Variants in CA3 observed in about 807,000 individuals in gnomAD.
CA3 encodes the protein carbonic anhydrase 3.
CA3 carries 30 observed loss-of-function variants against 35.7 expected under a neutral mutation model. That is an observed-to-expected ratio of 0.84 (90% CI 0.63 to 1.14). The LOEUF (loss-of-function observed/expected upper bound fraction) is 1.14, where lower values mean the gene tolerates loss of function less well. Among genes scored for constraint, CA3 ranks in the 50% most tolerant of loss-of-function variants. The pLI is 0.00. For missense variants in CA3, 295 were observed against 328.5 expected (o/e 0.90, Z 0.79); for synonymous variants, 131 against 130.8 (o/e 1.00, Z -0.01).
chr8:85,448,823 A>C lies in CA3; in HGVS notation c.*670A>C, dbSNP rs1403951901. 6.6e-6 allele frequency: 1 copy of C among 152,168 alleles called. No homozygotes were observed. The highest frequency in any genetic ancestry group is 1.5e-5 in the Non-Finnish European group (1 of 68,040). The allele number at this position is 152,168 out of a possible 1,614,324, so 9.4% of individuals were successfully genotyped here. On this transcript the variant is annotated 3_prime_UTR_variant, in exon 7 of 7. Coordinates refer to ENST00000285381, the MANE Select transcript of CA3 (RefSeq NM_005181.4). The stretch of plus-strand genomic sequence containing the variant: ...ATTTCTTCTTCATAAATGTAGTTGA[A>C]TTTATCCTAGTATTTTTCTTTACCT...
At chr8:85,445,499 G>A (rs1016560978) in intron 5 of CA3, among the ~76,000 whole-genome samples, 3 of 132,378 alleles carry the variant, frequency 2.3e-5, no homozygotes, top group African/African-American at 9.4e-5. Flanking sequence ...CCGCATCCTC[G>A]CCCAACACAC....
Position 85,448,272 on chromosome 8 carries a change from A to G in CA3, c.*119A>G. 1 of 983,914 alleles carries G rather than the reference A, an allele frequency of 1.0e-6. No individual in the cohort carries two copies. Among genetic ancestry groups the G allele is most frequent in the Non-Finnish European group, 1.4e-6 (1 of 702,046 alleles). The allele number at this position is 983,914 out of a possible 1,614,324, so 60.9% of individuals were successfully genotyped here. ...TTCATTTTTCCACACTGAGCAATGA[A>G]TGTGAGAGATGTGGTCACCAAGATC... On this transcript the variant is annotated 3_prime_UTR_variant, in exon 7 of 7. Transcript: ENST00000285381.
chr8:85,439,158 C>G (rs996259259), intron 1 of CA3, among the ~76,000 whole-genome samples: 2 of 152,082 alleles, frequency 1.3e-5, no homozygotes, highest in African/African-American at 4.8e-5. Context: ...TTTTATTTCC[C>G]TTGGAGAAAA....
In CA3 at chr8:85,445,163, A is replaced by G. The variant is rs2130507350; in HGVS notation, c.452A>G (p.His151Arg). Residue 151 changes from histidine to arginine, a missense_variant, in exon 5 of 7, where the codon CAT (histidine) becomes CGT (arginine). Transcript: ENST00000285381. ...ATTTCTGTTTTCTTACAGATAGGACATGAGAATGGCGAGTTCCAGATTTTC... is the reference window on the plus strand; with the variant it reads ...ATTTCTGTTTTCTTACAGATAGGACGTGAGAATGGCGAGTTCCAGATTTTC... ...AVIGIFLKIGHENGEFQIFLD... is the reference protein window; with the variant it reads ...AVIGIFLKIGRENGEFQIFLD... 6.2e-7 allele frequency: 1 copy of G among 1,604,078 alleles called. No homozygotes were observed. Among genetic ancestry groups the G allele is most frequent in the South Asian group, 1.1e-5 (1 of 89,930 alleles).
chr8:85,448,137 G>C lies in CA3; in HGVS notation c.767G>C (p.Arg256Thr). ...PPQPINNRVV[R>T]ASFK ...CAGCCTATCAATAACAGGGTGGTGA[G>C]AGCTTCCTTCAAATGAGGCTGCTGG... Residue 256 changes from arginine to threonine, a missense_variant, in exon 7 of 7, where the codon AGA (arginine) becomes ACA (threonine). Transcript: ENST00000285381. The C allele has an allele frequency of 6.2e-7, 1 of 1,612,684 alleles. No homozygotes were observed. The highest frequency in any genetic ancestry group is 8.5e-7 in the Non-Finnish European group (1 of 1,179,374).
At chr8:85,439,617 G>A (rs1246482974) in intron 1 of CA3, 95 bp from the exon 2 acceptor site, 9 of 818,610 alleles carry the variant, frequency 1.1e-5, no homozygotes, top group South Asian at 3.3e-5. Flanking sequence ...TGAAATCACT[G>A]TCTAGCCTCT....
chr8:85,443,369 G>T lies in CA3; in HGVS notation c.352-665G>T, dbSNP rs530729612. ...CTGCTTTATTCTTTTCCAAAGATAG[G>T]CTCTGGTTAACATAGGGGCTGTGAC... is the stretch of plus-strand genomic sequence containing the variant. On this transcript the variant is annotated intron_variant, in intron 3 of 6. Coordinates refer to ENST00000285381, the MANE Select transcript of CA3 (RefSeq NM_005181.4). Among the ~76,000 whole-genome samples the T allele has an allele frequency of 9.2e-5, 14 of 152,274 alleles. No homozygotes were observed. The East Asian group carries it at 2.5e-3, about 27-fold the overall frequency.
intron 6 of CA3, among the ~76,000 whole-genome samples, chr8:85,447,576 GT>G (rs1197875572): frequency 2.0e-5 from 3 of 152,184 alleles, no homozygotes; most frequent in African/African-American, 4.8e-5. Flanking sequence ...CTGGGGACAG[GT>G]TGTGTGGTTT....
In CA3 at chr8:85,442,079, G is replaced by A. The variant is rs1452248829; in HGVS notation, c.239G>A (p.Arg80Lys). ...AAGCTTATCTGAATCACAGTGCTGA[G>A]AGGGGGTCCTCTCCCTGGACCCTAC... Reference protein sequence around the residue: ...FDDTYDRSMLRGGPLPGPYRL... With the variant: ...FDDTYDRSMLKGGPLPGPYRL... Residue 80 changes from arginine (R) to lysine (K), a missense_variant, in exon 3 of 7, where the codon AGA (arginine) becomes AAA (lysine). Coordinates refer to ENST00000285381, the MANE Select transcript of CA3 (RefSeq NM_005181.4). The A allele has an allele frequency of 6.7e-7, 1 of 1,485,510 alleles. No homozygotes were observed. The highest frequency in any genetic ancestry group is 2.3e-5 in the East Asian group (1 of 44,226). 92.0% of individuals were successfully genotyped at this position (1,485,510 alleles called of 1,614,324 possible). A position where few individuals can be genotyped will look rare whatever the true frequency, so the allele number is the denominator to read the frequency against.
chr8:85,440,016 A>T, intron 2 of CA3, 107 bp downstream of exon 2: 2 of 748,636 alleles, frequency 2.7e-6, no homozygotes, highest in South Asian at 3.4e-5. Context: ...GGAGCACTTT[A>T]TCTTTTAAAA....
In CA3 at chr8:85,446,213, C is replaced by T. The variant is rs765334550; in HGVS notation, c.579C>T (p.Tyr193=). 4 of 1,614,136 alleles carry T rather than the reference C, an allele frequency of 2.5e-6. No individual in the cohort carries two copies. The highest frequency in any genetic ancestry group is 3.3e-5 in the Admixed American group (2 of 60,022). The change falls in exon 6 of 7, where the codon TAC becomes TAT. Residue 193 remains tyrosine (Y), a synonymous_variant. Transcript: ENST00000285381. ...LFPACRDYWT[Y]QGSFTTPPCE... Reference sequence around the variant, plus strand: ...CGGCATGCCGGGACTACTGGACCTACCAGGGCTCATTCACCACGCCGCCCT... The same window carrying T: ...CGGCATGCCGGGACTACTGGACCTATCAGGGCTCATTCACCACGCCGCCCT...
In CA3 at chr8:85,439,987, C is replaced by T. The variant is rs527311783; in HGVS notation, c.232+78C>T. ...ACAAAATGTGGTTTATGACACAGTA[C>T]CAGAATTAATGGGGAGAGGGAGCAC... On this transcript the variant is annotated intron_variant, in intron 2 of 6. Transcript: ENST00000285381. The T allele has an allele frequency of 1.1e-5, 12 of 1,107,796 alleles. No homozygotes were observed. In the East Asian group the frequency reaches 2.6e-4, roughly 24 times the overall value. 68.6% of individuals were successfully genotyped at this position (1,107,796 alleles called of 1,614,324 possible).
At chr8:85,439,961 G>C (rs375506970) in intron 2 of CA3, 52 bp downstream of exon 2, 2 of 1,421,594 alleles carry the variant, frequency 1.4e-6, no homozygotes, top group Middle Eastern at 2.3e-4. Flanking sequence ...GGTCCATATT[G>C]ACAAAATGTG....
In CA3 at chr8:85,442,204, G is replaced by T. The variant is rs1445317208; in HGVS notation, c.351+13G>T. ...GTATGCAGCGGAGGTAAGAGGAACT[G>T]CCATAATCCATTCTCGGTCTCATAC... On this transcript the variant is annotated intron_variant, in intron 3 of 6. Coordinates refer to ENST00000285381, the MANE Select transcript of CA3 (RefSeq NM_005181.4). 1.5e-6 allele frequency: 2 copies of T among 1,322,902 alleles called. No individual in the cohort carries two copies. Among genetic ancestry groups the T allele is most frequent in the Non-Finnish European group, 2.2e-6 (2 of 914,094 alleles). 81.9% of individuals were successfully genotyped at this position (1,322,902 alleles called of 1,614,324 possible). A position where few individuals can be genotyped will look rare whatever the true frequency, so the allele number is the denominator to read the frequency against.
At chr8:85,443,939 T>G in intron 3 of CA3, 95 bp from the exon 4 acceptor site, 1 of 897,726 alleles carries the variant, frequency 1.1e-6, no homozygotes, top group Non-Finnish European at 1.9e-6. Flanking sequence ...CTCAGCAACC[T>G]TAGCCTGTAC....
At chr8:85,442,993 C>G (rs2130503533) in intron 3 of CA3, among the ~76,000 whole-genome samples, 1 of 152,236 alleles carries the variant, frequency 6.6e-6, no homozygotes, top group Admixed American at 6.5e-5. Flanking sequence ...CCTATACTGC[C>G]TATTTTATAA....
chr8:85,447,947 A>C (rs1015358853), intron 6 of CA3, 87 bp from the exon 7 acceptor site: 14 of 1,248,842 alleles, frequency 1.1e-5, no homozygotes, highest in East Asian at 1.0e-4. Context: ...AACAAAAAAA[A>C]CCCCAGCAGT....
At position 85,442,424 on chromosome 8, in the gene CA3, G is replaced by GA. The variant is rs1811220626; in HGVS notation, c.351+236dup. 8.9e-6 allele frequency: 4 copies of GA among 447,300 alleles called. No individual in the cohort carries two copies. The South Asian group carries it at 1.0e-4, about 11-fold the overall frequency. The allele number at this position is 447,300 out of a possible 1,614,324, so 27.7% of individuals were successfully genotyped here. A position where few individuals can be genotyped will look rare whatever the true frequency, so the allele number is the denominator to read the frequency against. ...ATGAAGATTTCCAAGGTTATGTTAA[G>GA]AAACTGGGGCGAGTGCAGTGGCTCA... On this transcript the variant is annotated intron_variant, in intron 3 of 6. Transcript: ENST00000285381.
chr8:85,446,096 A>C (rs1380625020), intron 5 of CA3, 46 bp from the exon 6 acceptor site: 8 of 1,511,058 alleles, frequency 5.3e-6, no homozygotes, highest in Non-Finnish European at 6.3e-6. Context: ...GTGGGTGGGC[A>C]TGTGCATGCA....
Sources: gnomAD v4.1 joint callset for allele counts (sites outside exome capture counted in the v4.1 genomes callset) on GRCh38, gnomAD v4.1.1 for gene constraint, MANE v1.5 for transcripts, NCBI Gene and HGNC (gene_info 2026-07-23, HGNC 2026-07-21) for gene names.